The following TTC17 variants were observed in gnomAD, a reference collection of about 807,000 sequenced individuals.
The protein encoded by TTC17 is tetratricopeptide repeat protein 17.
Under a neutral mutation model 143.8 loss-of-function variants are expected in TTC17, and 58 were observed. That is an observed-to-expected ratio of 0.40 (90% CI 0.33 to 0.50). The LOEUF (loss-of-function observed/expected upper bound fraction) is 0.50, where lower values mean the gene tolerates loss of function less well. TTC17 is among the 20% of genes least tolerant of loss of function. The pLI is 0.49. For missense variants in TTC17, 1,273 were observed against 1,392.5 expected (o/e 0.91, Z 1.37); for synonymous variants, 501 against 497.8 (o/e 1.01, Z -0.09).
intron 18 of TTC17, chr11:43,446,012 T>C (rs897426393): frequency 2.6e-6 from 4 of 1,534,334 alleles, no homozygotes; most frequent in African/African-American, 1.4e-5. Context: ...GAGCCTCTTA[T>C]GATATCCTTG....
intron 1 of TTC17, among the ~76,000 whole-genome samples, chr11:43,373,979 G>C (rs4755710): frequency 0.98 from 149,575 of 152,282 alleles, 73,514 homozygotes; most frequent in East Asian, 1. Context: ...GCCACTTCAC[G>C]TTTTTTTTCC....
intron 21 of TTC17, among the ~76,000 whole-genome samples, chr11:43,473,684 G>A (rs1385122612): frequency 6.6e-6 from 1 of 152,108 alleles, no homozygotes; most frequent in African/African-American, 2.4e-5. Context: ...AAACCAGCCT[G>A]GCTAACATGG....
At chr11:43,439,063 G>C (rs946733450) in intron 16 of TTC17, among the ~76,000 whole-genome samples, 1 of 152,184 alleles carries the variant, frequency 6.6e-6, no homozygotes, top group African/African-American at 2.4e-5. Flanking sequence ...GTTGAAGATG[G>C]TTATTGTTCC....
chr11:43,418,047 G>T (rs1053594502), intron 16 of TTC17, among the ~76,000 whole-genome samples: 1 of 152,124 alleles, frequency 6.6e-6, no homozygotes, highest in African/African-American at 2.4e-5. Flanking sequence ...GTAATGTATT[G>T]TATCACTTGT....
chr11:43,448,788 A>G (rs1276322267), intron 19 of TTC17: 2 of 152,130 alleles, frequency 1.3e-5, no homozygotes, highest in African/African-American at 4.8e-5. Context: ...GCTCGGGAAA[A>G]CTAAAGTCAT....
At chr11:43,453,943 G>GT (rs1161845784) in intron 21 of TTC17, among the ~76,000 whole-genome samples, 3 of 152,176 alleles carry the variant, frequency 2.0e-5, no homozygotes, top group Admixed American at 1.3e-4. Flanking sequence ...AGTATCAGCT[G>GT]TTTACCCTTG....
At chr11:43,422,429 G>T (rs957003427) in intron 16 of TTC17, among the ~76,000 whole-genome samples, 2 of 152,114 alleles carry the variant, frequency 1.3e-5, no homozygotes, top group Non-Finnish European at 2.9e-5. Flanking sequence ...TAATTTATGG[G>T]TCATGGACGT....
chr11:43,366,907 A>G (rs1256162866), intron 1 of TTC17, among the ~76,000 whole-genome samples: 1 of 152,030 alleles, frequency 6.6e-6, no homozygotes, highest in African/African-American at 2.4e-5. Flanking sequence ...TCTTCCCCCA[A>G]CACTCGAGTC....
chr11:43,429,054 T>A (rs931086122), intron 16 of TTC17, among the ~76,000 whole-genome samples: 6 of 152,216 alleles, frequency 3.9e-5, no homozygotes, highest in Non-Finnish European at 5.9e-5. Flanking sequence ...TTCTTTTTTC[T>A]TTCCCAAATA....
intron 1 of TTC17, 131 bp from the exon 2 acceptor site, chr11:43,379,102 T>C (rs1856868058): frequency 1.2e-6 from 1 of 845,662 alleles, no homozygotes; most frequent in Admixed American, 2.2e-5. Flanking sequence ...GAAATACTCC[T>C]TGAGTTTTGC....
intron 1 of TTC17, among the ~76,000 whole-genome samples, chr11:43,364,450 A>C (rs1272540675): frequency 6.6e-6 from 1 of 152,176 alleles, no homozygotes; most frequent in Non-Finnish European, 1.5e-5. Context: ...GGCACTGTGA[A>C]GCTGACAGCT....
At chr11:43,408,969 C>T (rs1451229539) in intron 15 of TTC17, among the ~76,000 whole-genome samples, 7 of 151,956 alleles carry the variant, frequency 4.6e-5, no homozygotes, top group Admixed American at 4.6e-4. Context: ...TCTTGAACAC[C>T]CGAGCTCAAG....
intron 4 of TTC17, 50 bp downstream of exon 4, chr11:43,391,626 TC>T: frequency 7.6e-7 from 1 of 1,312,746 alleles, no homozygotes; most frequent in Non-Finnish European, 1.1e-6. Flanking sequence ...CGTTCTTCTT[TC>T]AGTTGGTCTC....
chr11:43,479,879 G>A (rs1442435988), intron 21 of TTC17, among the ~76,000 whole-genome samples: 1 of 152,196 alleles, frequency 6.6e-6, no homozygotes, highest in Admixed American at 6.5e-5. Flanking sequence ...TGCTTCCACA[G>A]AGAGGGACAG....
intron 1 of TTC17, 186 bp from the exon 2 acceptor site, chr11:43,379,046 GT>G (rs1377749708): frequency 8.7e-6 from 5 of 577,458 alleles, no homozygotes; most frequent in Non-Finnish European, 1.5e-5. Context: ...CAGGACAACT[GT>G]TGCACTTGTC....
intron 1 of TTC17, among the ~76,000 whole-genome samples, chr11:43,373,324 C>CTTTT (rs1358080544): frequency 1.5e-5 from 2 of 134,818 alleles, no homozygotes; most frequent in African/African-American, 2.7e-5. Flanking sequence ...TTAAAAGAAG[C>CTTTT]TTTTTTTTTT....
intron 22 of TTC17, chr11:43,491,518 C>T (rs758959519): frequency 6.6e-6 from 1 of 152,432 alleles, no homozygotes; most frequent in Non-Finnish European, 1.5e-5. Context: ...CACAGAAATA[C>T]GTAGAGGACT....
chr11:43,379,449 C>G (rs1856881071), intron 2 of TTC17, 127 bp downstream of exon 2: 1 of 719,450 alleles, frequency 1.4e-6, no homozygotes, highest in Non-Finnish European at 2.3e-6. Flanking sequence ...CGGGAATATA[C>G]TACCTGCAAT....
chr11:43,435,110 GATA>G, intron 16 of TTC17: 1 of 152,018 alleles, frequency 6.6e-6, no homozygotes, highest in Non-Finnish European at 1.5e-5. Context: ...TAGATAGATA[GATA>G]GATAGATAGA....
Sources: allele counts gnomAD v4.1 joint callset (sites outside exome capture counted in the v4.1 genomes callset), GRCh38; gene constraint gnomAD v4.1.1; transcripts MANE v1.5; gene names NCBI Gene and HGNC (gene_info 2026-07-23, HGNC 2026-07-21).